The following CDH13 variants were observed in gnomAD, a reference collection of about 807,000 sequenced individuals.
The protein encoded by CDH13 is cadherin 13, also known as cadherin-13.
A neutral mutation model predicts 63.8 loss-of-function variants in CDH13; 24 were observed. That is an observed-to-expected ratio of 0.38 (90% CI 0.27 to 0.53). CDH13 has a LOEUF of 0.53. CDH13 is among the 20% of genes least tolerant of loss of function. CDH13 has a pLI of 0.85. For missense variants in CDH13, 1,049 were observed against 903.1 expected, an observed-to-expected ratio of 1.16 and a Z score of -2.07; for synonymous variants, 503 against 355.3, an observed-to-expected ratio of 1.42 and a Z score of -4.67.
chr16:82,858,341 T>A, intron 1 of CDH13, 21 bp from the exon 2 acceptor site: 1 of 1,538,722 alleles, frequency 6.5e-7, no homozygotes, highest in Non-Finnish European at 9.0e-7. Context: ...ATTAAAATAT[T>A]GATGGCTTTG....
intron 10 of CDH13, among the ~76,000 whole-genome samples, chr16:83,703,479 T>G (rs1051184641): frequency 3.9e-5 from 6 of 152,212 alleles, no homozygotes; most frequent in African/African-American, 1.4e-4. Flanking sequence ...CAGGAGAAAT[T>G]GTTTCTGATA....
chr16:83,114,333 A>G (rs1380152555), intron 3 of CDH13, among the ~76,000 whole-genome samples: 1 of 152,178 alleles, frequency 6.6e-6, no homozygotes, highest in Non-Finnish European at 1.5e-5. Flanking sequence ...TGCATGCATG[A>G]AGACTCAAGG....
intron 5 of CDH13, among the ~76,000 whole-genome samples, chr16:83,233,243 A>C (rs2040053107): frequency 6.6e-6 from 1 of 152,164 alleles, no homozygotes; most frequent in Admixed American, 6.5e-5. Context: ...GAGCTACCCT[A>C]GGAGTCTGTT....
chr16:83,028,607 G>A (rs1916032954), intron 2 of CDH13, among the ~76,000 whole-genome samples: 1 of 152,124 alleles, frequency 6.6e-6, no homozygotes, highest in South Asian at 2.1e-4. Flanking sequence ...CCCTATATAT[G>A]CTAATTTGTC....
At chr16:82,711,071 G>A (rs1485911216) in intron 1 of CDH13, among the ~76,000 whole-genome samples, 3 of 151,724 alleles carry the variant, frequency 2.0e-5, no homozygotes, top group South Asian at 2.1e-4. Flanking sequence ...TCATTTGCCC[G>A]GACCGCATTA....
At chr16:82,941,904 T>A (rs1904292207) in intron 2 of CDH13, among the ~76,000 whole-genome samples, 1 of 152,190 alleles carries the variant, frequency 6.6e-6, no homozygotes, top group East Asian at 1.9e-4. Flanking sequence ...AAAAGAAACT[T>A]CCCTCAGTGG....
chr16:83,168,596 G>A (rs1172833448), intron 4 of CDH13, among the ~76,000 whole-genome samples: 1 of 150,910 alleles, frequency 6.6e-6, no homozygotes, highest in Non-Finnish European at 1.5e-5. Flanking sequence ...AGTATTGTTA[G>A]TAAAATAAAT....
intron 2 of CDH13, among the ~76,000 whole-genome samples, chr16:82,965,159 C>G (rs554377546): frequency 3.9e-5 from 6 of 152,192 alleles, no homozygotes. Flanking sequence ...TTCTCTCATC[C>G]CACTTCTGCT....
At chr16:82,875,294 A>G (rs2151194853) in intron 2 of CDH13, among the ~76,000 whole-genome samples, 1 of 152,328 alleles carries the variant, frequency 6.6e-6, no homozygotes, top group South Asian at 2.1e-4. Flanking sequence ...GAGAGGTTGG[A>G]TTATCTGTTG....
chr16:83,213,467 T>G (rs1166397881), intron 4 of CDH13, among the ~76,000 whole-genome samples: 1 of 152,108 alleles, frequency 6.6e-6, no homozygotes, highest in African/African-American at 2.4e-5. Flanking sequence ...CAACTTTTTC[T>G]GAGCAGAGAA....
intron 7 of CDH13, among the ~76,000 whole-genome samples, chr16:83,580,918 A>G (rs578227638): frequency 6.6e-6 from 1 of 152,242 alleles, no homozygotes. Context: ...TGCTGAGCAG[A>G]AGAGCAATAC....
chr16:82,792,031 G>A (rs912980969), intron 1 of CDH13, among the ~76,000 whole-genome samples: 3 of 152,178 alleles, frequency 2.0e-5, no homozygotes, highest in Admixed American at 1.3e-4. Context: ...AGGCTTTCAT[G>A]GTTTTTGGCA....
chr16:82,859,892 A>C (rs1417477147), intron 2 of CDH13, among the ~76,000 whole-genome samples: 1 of 152,206 alleles, frequency 6.6e-6, no homozygotes, highest in Admixed American at 6.5e-5. Context: ...ACGCCAATGA[A>C]ATCATTTCAA....
chr16:83,582,245 G>A (rs535164886), intron 7 of CDH13, among the ~76,000 whole-genome samples: 16 of 152,208 alleles, frequency 1.1e-4, no homozygotes, highest in East Asian at 7.7e-4. Context: ...CTTGCTTTAC[G>A]CAGATGTTTC....
At position 82,696,367 on chromosome 16, in the gene CDH13, T is replaced by A. The variant is rs558658602; in HGVS notation, c.45+69230T>A. ...TAGAAAAAACACAGTCAATGTAAGT[T>A]AATCAGAAAGTAAACCTTAATTGTA... On this transcript the variant is annotated intron_variant, in intron 1 of 13. Coordinates refer to ENST00000567109, the MANE Select transcript of CDH13 (RefSeq NM_001257.5). Among the ~76,000 whole-genome samples the A allele has an allele frequency of 3.9e-5, 6 of 152,344 alleles. No homozygotes were observed. The South Asian group carries it at 1.2e-3, about 32-fold the overall frequency.
chr16:83,077,802 G>T lies in CDH13; in HGVS notation c.366+45584G>T, dbSNP rs1283389312. Among the ~76,000 whole-genome samples, 3 of 152,106 alleles carry T rather than the reference G, an allele frequency of 2.0e-5. No individual in the cohort carries two copies. In the East Asian group the frequency reaches 5.8e-4, roughly 29 times the overall value. On this transcript the variant is annotated intron_variant, in intron 3 of 13. Coordinates refer to ENST00000567109, the MANE Select transcript of CDH13 (RefSeq NM_001257.5). Reference sequence around the variant, plus strand: ...AAGTGTTCACTTATTTTTCTGAATTGGTCGATCCTCTTCCGGATAACGCGT... The same window carrying T: ...AAGTGTTCACTTATTTTTCTGAATTTGTCGATCCTCTTCCGGATAACGCGT...
rs140479874 is a variant in CDH13, at chr16:83,427,731, C to T, written c.782-58746C>T. ...CCTGGTGCTACTAAGCACCTCTGCA[C>T]TTATGGTCTGCTGTCCTGTTCCACC... On this transcript the variant is annotated intron_variant, in intron 6 of 13. Coordinates refer to ENST00000567109, the MANE Select transcript of CDH13 (RefSeq NM_001257.5). Among the ~76,000 whole-genome samples, 20 of 152,288 alleles carry T rather than the reference C, an allele frequency of 1.3e-4. No homozygotes were observed. In the South Asian group the frequency reaches 3.1e-3, roughly 24 times the overall value.
intron 2 of CDH13, among the ~76,000 whole-genome samples, chr16:82,936,504 C>CAAAAG (rs2042671490): frequency 6.6e-6 from 1 of 152,090 alleles, no homozygotes; most frequent in Non-Finnish European, 1.5e-5. Flanking sequence ...TTAGCTTCCA[C>CAAAAG]AAAACTGGTC....
intron 1 of CDH13, among the ~76,000 whole-genome samples, chr16:82,753,236 A>G (rs1016255641): frequency 2.0e-5 from 3 of 152,230 alleles, no homozygotes; most frequent in Non-Finnish European, 2.9e-5. Flanking sequence ...GCAGAAGTAC[A>G]TGGATGGCAT....
Sources: allele counts gnomAD v4.1 joint callset (sites outside exome capture counted in the v4.1 genomes callset), GRCh38; gene constraint gnomAD v4.1.1; transcripts MANE v1.5; gene names NCBI Gene and HGNC (gene_info 2026-07-23, HGNC 2026-07-21).